LYZL4: variants seen among roughly 807,000 people sequenced by gnomAD.
The protein encoded by LYZL4 is lysozyme like 4.
Under a neutral mutation model 17.6 loss-of-function variants are expected in LYZL4, and 13 were observed. The observed-to-expected ratio is 0.74, with a 90% CI of 0.48 to 1.18. LYZL4 has a LOEUF of 1.18. LYZL4 is among the 50% of genes most tolerant of loss of function. The probability of loss-of-function intolerance (pLI) is 0.00; values close to 1 mark genes in which losing one functional copy is unlikely to be tolerated. For synonymous variants in LYZL4, 64 were observed against 67.7 expected (o/e 0.95, Z 0.27); for missense variants, 174 against 188.2 (o/e 0.92, Z 0.44).
At chr3:42,395,623 T>C (rs1435906220), downstream of LYZL4, among the ~76,000 whole-genome samples, 1 of 152,222 alleles carries the variant, frequency 6.6e-6, no homozygotes, top group Non-Finnish European at 1.5e-5. Context: ...ATATTCTTAA[T>C]TTCCTTTTTT....
At chr3:42,376,672 T>C in the LYZL4 span, among the ~76,000 whole-genome samples, 1 of 152,140 alleles carries the variant, frequency 6.6e-6, no homozygotes, top group Non-Finnish European at 1.5e-5. Flanking sequence ...GATCTCTCTA[T>C]ATGAGCAGCA....
At chr3:42,392,132 A>C (rs1161966074), downstream of LYZL4, among the ~76,000 whole-genome samples, 1 of 152,110 alleles carries the variant, frequency 6.6e-6, no homozygotes, top group African/African-American at 2.4e-5. Flanking sequence ...TTGGCCTCCC[A>C]AAGTGTTGGC....
At chr3:42,389,371 T>C in the LYZL4 span, among the ~76,000 whole-genome samples, 1 of 152,094 alleles carries the variant, frequency 6.6e-6, no homozygotes, top group Non-Finnish European at 1.5e-5. Context: ...TTGGCAGCAG[T>C]TTCCTACACA....
At chr3:42,393,405 AC>A (rs1323352886), downstream of LYZL4, among the ~76,000 whole-genome samples, 2 of 151,856 alleles carry the variant, frequency 1.3e-5, no homozygotes, top group Non-Finnish European at 2.9e-5. Flanking sequence ...CAGCGTTTTT[AC>A]TCATAAAGTC....
chr3:42,384,209 C>T, the LYZL4 span, among the ~76,000 whole-genome samples: 12 of 152,266 alleles, frequency 7.9e-5, no homozygotes, highest in African/African-American at 2.2e-4. Context: ...TGCACCCAAC[C>T]GAAGTATCAG....
intron 1 of LYZL4, among the ~76,000 whole-genome samples, chr3:42,408,291 C>T (rs1270354759): frequency 6.6e-6 from 1 of 152,226 alleles, no homozygotes; most frequent in Non-Finnish European, 1.5e-5. Flanking sequence ...CCCATCCACC[C>T]TTTATCAGGA....
chr3:42,406,466 A>G (rs1698753295), intron 3 of LYZL4, among the ~76,000 whole-genome samples: 1 of 73,994 alleles, frequency 1.4e-5, no homozygotes, highest in Non-Finnish European at 2.9e-5. Context: ...AAAAAAAAAA[A>G]AAAAAAAAAA....
chr3:42,407,099 T>G lies in LYZL4; in HGVS notation c.139+14A>C. 1.9e-6 allele frequency: 3 copies of G among 1,614,070 alleles called. No individual in the cohort carries two copies. Among genetic ancestry groups the G allele is most frequent in the Non-Finnish European group, 2.5e-6 (3 of 1,179,978 alleles). ...GGAGGTGAGAGGAGGGAGCACTAAGTGGGGCCTACTCACAGTTCTCAAGGC... is the reference window on the plus strand; with the variant it reads ...GGAGGTGAGAGGAGGGAGCACTAAGGGGGGCCTACTCACAGTTCTCAAGGC... On this transcript the variant is annotated intron_variant, in intron 2 of 4. Coordinates refer to ENST00000287748, the MANE Select transcript of LYZL4 (RefSeq NM_144634.4).
downstream of LYZL4, among the ~76,000 whole-genome samples, chr3:42,393,372 C>T (rs1698513999): frequency 6.6e-6 from 1 of 151,874 alleles, no homozygotes; most frequent in Non-Finnish European, 1.5e-5. Flanking sequence ...CACAACCAGG[C>T]CCTCCTGGTG....
At chr3:42,375,250 C>G in the LYZL4 span, among the ~76,000 whole-genome samples, 2 of 152,214 alleles carry the variant, frequency 1.3e-5, no homozygotes, top group Non-Finnish European at 2.9e-5. Context: ...CACAAAGACA[C>G]CAACTCAGCT....
At position 42,407,326 on chromosome 3, in the gene LYZL4, TGAAGG is replaced by T; in HGVS notation, c.-80_-76del. On this transcript the variant is annotated 5_prime_UTR_variant, in exon 2 of 5. Transcript: ENST00000287748. ...TGGAGTCACAGGGACACTGGTTCTC[TGAAGG>T]GAAAGAAGGGCACTGTGGGGGTGGG... 2 of 1,599,774 alleles carry T rather than the reference TGAAGG, an allele frequency of 1.3e-6. No homozygotes were observed. Among genetic ancestry groups the T allele is most frequent in the Non-Finnish European group, 1.7e-6 (2 of 1,172,540 alleles).
chr3:42,396,723 T>C (rs996196785), downstream of LYZL4, among the ~76,000 whole-genome samples: 6 of 152,250 alleles, frequency 3.9e-5, no homozygotes, highest in Non-Finnish European at 5.9e-5. Flanking sequence ...AAATATGTGT[T>C]ATTTATAACT....
chr3:42,382,020 A>G, the LYZL4 span, among the ~76,000 whole-genome samples: 341 of 152,342 alleles, frequency 2.2e-3, 1 homozygote, highest in African/African-American at 7.6e-3. Context: ...TAAAGCATCC[A>G]CCATGGCAAA....
intron 4 of LYZL4, among the ~76,000 whole-genome samples, chr3:42,400,045 A>C (rs1698628519): frequency 6.6e-6 from 1 of 152,032 alleles, no homozygotes; most frequent in South Asian, 2.1e-4. Context: ...AAAACAAAAC[A>C]AAAAAAGCAA....
At chr3:42,383,404 C>T in the LYZL4 span, among the ~76,000 whole-genome samples, 1 of 143,700 alleles carries the variant, frequency 7.0e-6, no homozygotes, top group Admixed American at 7.1e-5. Flanking sequence ...TGAACCCCAT[C>T]ATCTCCAGTA....
chr3:42,364,126 T>C, the LYZL4 span, among the ~76,000 whole-genome samples: 1 of 152,260 alleles, frequency 6.6e-6, no homozygotes, highest in Non-Finnish European at 1.5e-5. Context: ...GAGGCAGTCA[T>C]GGGAGAGCTT....
the LYZL4 span, among the ~76,000 whole-genome samples, chr3:42,374,963 C>T: frequency 6.6e-6 from 1 of 152,042 alleles, no homozygotes; most frequent in Admixed American, 6.6e-5. Context: ...GGGTGCACCA[C>T]CATACCTAGC....
chr3:42,364,150 C>T, the LYZL4 span, among the ~76,000 whole-genome samples: 1 of 152,104 alleles, frequency 6.6e-6, no homozygotes. Context: ...ATGGCCTCCC[C>T]GGCACTGATG....
the LYZL4 span, among the ~76,000 whole-genome samples, chr3:42,364,326 T>C: frequency 2.7e-5 from 4 of 150,608 alleles, no homozygotes; most frequent in Non-Finnish European, 5.9e-5. Flanking sequence ...CACCTTTTCT[T>C]TTCCTTTTTC....
Sources: allele counts gnomAD v4.1 joint callset (sites outside exome capture counted in the v4.1 genomes callset), GRCh38; gene constraint gnomAD v4.1.1; transcripts MANE v1.5; gene names NCBI Gene and HGNC (gene_info 2026-07-23, HGNC 2026-07-21).